The following SPIRE1 variants were observed in gnomAD, a reference collection of about 807,000 sequenced individuals.
SPIRE1 encodes spire type actin nucleation factor 1, also known as protein spire homolog 1.
A neutral mutation model predicts 94.1 loss-of-function variants in SPIRE1; 40 were observed. That is an observed-to-expected ratio of 0.43 (90% confidence interval 0.33 to 0.55). The LOEUF (loss-of-function observed/expected upper bound fraction) is 0.55. SPIRE1 is among the 20% of genes least tolerant of loss of function. The pLI is 0.06. For synonymous variants in SPIRE1, 376 were observed against 371.7 expected (o/e 1.01, Z -0.13); for missense variants, 838 against 975.2 (o/e 0.86, Z 1.87).
chr18:12,570,031 T>C (rs555284053), intron 2 of SPIRE1, among the ~76,000 whole-genome samples: 1 of 152,330 alleles, frequency 6.6e-6, no homozygotes, highest in South Asian at 2.1e-4. Context: ...AGCCTCACTA[T>C]TGAATAGCAG....
At chr18:12,581,638 C>T (rs1259098113) in intron 2 of SPIRE1, among the ~76,000 whole-genome samples, 3 of 152,046 alleles carry the variant, frequency 2.0e-5, no homozygotes, top group African/African-American at 7.2e-5. Context: ...TCAAGGCGGG[C>T]GGATGACCTG....
chr18:12,449,967 A>G, intron 16 of SPIRE1, 71 bp from the exon 17 acceptor site: 3 of 1,482,620 alleles, frequency 2.0e-6, no homozygotes, highest in South Asian at 1.3e-5. Context: ...GAAAATATGT[A>G]TAAAAAAAAG....
rs532369504 is a variant in SPIRE1 at position 12,574,674 on chromosome 18, T to C, written c.373-27770A>G. Among the ~76,000 whole-genome samples, 48 of 152,280 alleles carry C rather than the reference T, an allele frequency of 3.2e-4. No individual in the cohort carries two copies. In the South Asian group the frequency reaches 6.0e-3, roughly 19 times the overall value. Reference sequence around the variant, plus strand: ...TACAGTGGGATTCCCTGGCATGTCATTGGTTACTGAAGTCAGAGTGTATGA... The same window carrying C: ...TACAGTGGGATTCCCTGGCATGTCACTGGTTACTGAAGTCAGAGTGTATGA... On this transcript the variant is annotated intron_variant, in intron 2 of 16. Transcript: ENST00000409402.
rs1240885529 is a variant in SPIRE1, at chr18:12,449,612, A to T, written c.*26T>A. ...TCGCGCACGGACGCTGACTCGTAGC[A>T]CAAAAGCAGCTGAAAGGCACGAGGC... On this transcript the variant is annotated 3_prime_UTR_variant, in exon 17 of 17. Transcript: ENST00000409402. 4.4e-6 allele frequency: 7 copies of T among 1,608,942 alleles called. No individual in the cohort carries two copies. Among genetic ancestry groups the T allele is most frequent in the Non-Finnish European group, 5.9e-6 (7 of 1,176,704 alleles).
chr18:12,579,482 G>A lies in SPIRE1; in HGVS notation c.373-32578C>T, dbSNP rs183290434. Among the ~76,000 whole-genome samples the A allele has an allele frequency of 3.6e-3, 553 of 152,300 alleles. 6 individuals are homozygous for A. The highest frequency in any genetic ancestry group is 5.0e-3 in the Non-Finnish European group (342 of 68,034). ...TAGATTTAAGGTTAGCAGCAGGAGA[G>A]CAGGAAAGGGGACTGGGAATTCCCA... On this transcript the variant is annotated intron_variant, in intron 2 of 16. Coordinates refer to ENST00000409402, the MANE Select transcript of SPIRE1 (RefSeq NM_001128626.2).
intron 1 of SPIRE1, among the ~76,000 whole-genome samples, chr18:12,638,454 A>G (rs189631980): frequency 6.0e-5 from 9 of 149,014 alleles, no homozygotes; most frequent in African/African-American, 2.2e-4. Context: ...AGAAACCATT[A>G]ATTAATTAAT....
chr18:12,593,931 C>G (rs2036600818), intron 2 of SPIRE1, among the ~76,000 whole-genome samples: 1 of 146,482 alleles, frequency 6.8e-6, no homozygotes, highest in African/African-American at 2.6e-5. Flanking sequence ...GCCTGGGCAA[C>G]AAGAGAGAAA....
At chr18:12,540,183 G>T (rs756610913) in intron 3 of SPIRE1, among the ~76,000 whole-genome samples, 7 of 152,076 alleles carry the variant, frequency 4.6e-5, no homozygotes, top group African/African-American at 7.2e-5. Context: ...TCGTCATCTA[G>T]CTCACACCTA....
At chr18:12,600,729 CT>C (rs1024442775) in intron 2 of SPIRE1, among the ~76,000 whole-genome samples, 19 of 151,356 alleles carry the variant, frequency 1.3e-4, no homozygotes, top group Non-Finnish European at 2.7e-4. Flanking sequence ...TATCATTATT[CT>C]TTTTTTTTCT....
intron 4 of SPIRE1, among the ~76,000 whole-genome samples, chr18:12,528,128 C>T (rs911078064): frequency 9.2e-5 from 14 of 151,596 alleles, no homozygotes; most frequent in Middle Eastern, 3.2e-3. Context: ...AAAACTTAAT[C>T]TCATTGATGG....
In SPIRE1 at chr18:12,657,736, T is replaced by C. The variant is rs2038593734; in HGVS notation, c.131A>G (p.Glu44Gly). ...GGGCTGGTTGTACAGCCGCAGGATC[T>C]CCTCCAGGCTCAGCGCGTCCCGGGA... is the stretch of plus-strand genomic sequence containing the variant. ...GGSRDALSLE[E>G]ILRLYNQPIN... Residue 44 changes from glutamate (E) to glycine (G), a missense_variant, in exon 1 of 17, where the codon GAG becomes GGG. Coordinates refer to ENST00000409402, the MANE Select transcript of SPIRE1 (RefSeq NM_001128626.2). The C allele has an allele frequency of 7.2e-7, 1 of 1,383,368 alleles. No individual in the cohort carries two copies. Among genetic ancestry groups the C allele is most frequent in the Non-Finnish European group, 9.4e-7 (1 of 1,059,110 alleles). The allele number at this position is 1,383,368 out of a possible 1,614,324, so 85.7% of individuals were successfully genotyped here.
chr18:12,486,411 A>G (rs866885294), intron 8 of SPIRE1, among the ~76,000 whole-genome samples: 1 of 152,246 alleles, frequency 6.6e-6, no homozygotes, highest in Non-Finnish European at 1.5e-5. Context: ...TCAATAATTT[A>G]TGTCAGGATG....
At chr18:12,517,106 A>G (rs1314438102) in intron 4 of SPIRE1, among the ~76,000 whole-genome samples, 1 of 152,236 alleles carries the variant, frequency 6.6e-6, no homozygotes, top group Non-Finnish European at 1.5e-5. Flanking sequence ...AGTGCAAATA[A>G]TAATAGCTAT....
At chr18:12,599,243 T>C (rs2036764845) in intron 2 of SPIRE1, among the ~76,000 whole-genome samples, 1 of 152,186 alleles carries the variant, frequency 6.6e-6, no homozygotes, top group Non-Finnish European at 1.5e-5. Context: ...TTGCATTTGT[T>C]GTCTTATCTC....
chr18:12,556,597 C>T (rs2035513404), intron 2 of SPIRE1, among the ~76,000 whole-genome samples: 1 of 152,144 alleles, frequency 6.6e-6, no homozygotes, highest in African/African-American at 2.4e-5. Flanking sequence ...GTCTTGCTGG[C>T]TTCAGGAGTG....
chr18:12,545,524 C>T (rs961166375), intron 3 of SPIRE1, among the ~76,000 whole-genome samples: 2 of 152,092 alleles, frequency 1.3e-5, no homozygotes, highest in Non-Finnish European at 2.9e-5. Context: ...CTTATAAAAC[C>T]TAGTAAATAT....
intron 2 of SPIRE1, among the ~76,000 whole-genome samples, chr18:12,570,130 C>G (rs2035926368): frequency 6.6e-6 from 1 of 152,212 alleles, no homozygotes; most frequent in Non-Finnish European, 1.5e-5. Flanking sequence ...TCCCCTTCAT[C>G]CAGCCCCTCT....
intron 4 of SPIRE1, among the ~76,000 whole-genome samples, chr18:12,520,512 C>T (rs1370034763): frequency 2.0e-5 from 3 of 152,126 alleles, no homozygotes; most frequent in Non-Finnish European, 4.4e-5. Flanking sequence ...AGATTTACTC[C>T]TCCCTGATGA....
intron 16 of SPIRE1, chr18:12,451,054 A>C: frequency 2.1e-6 from 1 of 475,994 alleles, no homozygotes; most frequent in East Asian, 4.2e-5. Context: ...AGGAGGATGA[A>C]TAAGAGACTG....
Sources: allele counts gnomAD v4.1 joint callset (sites outside exome capture counted in the v4.1 genomes callset), GRCh38; gene constraint gnomAD v4.1.1; transcripts MANE v1.5; gene names NCBI Gene and HGNC (gene_info 2026-07-23, HGNC 2026-07-21).